The following GPC6 variants were observed in gnomAD, a reference collection of about 807,000 sequenced individuals.
GPC6 encodes glypican 6, also known as glypican-6.
GPC6 carries 14 observed loss-of-function variants against 55.2 expected under a neutral mutation model. That is an observed-to-expected ratio of 0.25 (90% CI 0.17 to 0.40). The LOEUF is 0.40. GPC6 is among the 10% of genes least tolerant of loss of function. The probability of loss-of-function intolerance (pLI) is 1.00; values close to 1 mark genes in which losing one functional copy is unlikely to be tolerated. For synonymous variants in GPC6, 278 were observed against 259.6 expected, an observed-to-expected ratio of 1.07 and a Z score of -0.68; for missense variants, 641 against 708.5, an observed-to-expected ratio of 0.90 and a Z score of 1.08.
At chr13:93,674,429 T>C (rs897981663) in intron 2 of GPC6, among the ~76,000 whole-genome samples, 5 of 152,204 alleles carry the variant, frequency 3.3e-5, no homozygotes, top group African/African-American at 1.2e-4. Flanking sequence ...CATCACTTTT[T>C]TTCTGATGAA....
At chr13:93,529,300 A>G (rs1881771209) in intron 1 of GPC6, among the ~76,000 whole-genome samples, 1 of 152,108 alleles carries the variant, frequency 6.6e-6, no homozygotes, top group Admixed American at 6.5e-5. Flanking sequence ...TTGAACCTCA[A>G]AGAGATTGGT....
intron 4 of GPC6, among the ~76,000 whole-genome samples, chr13:94,198,749 T>A (rs1340941964): frequency 1.3e-5 from 2 of 152,150 alleles, no homozygotes; most frequent in Non-Finnish European, 2.9e-5. Context: ...CTAACACACA[T>A]CTCATAAGAG....
intron 1 of GPC6, among the ~76,000 whole-genome samples, chr13:93,522,410 A>G (rs1209400066): frequency 1.3e-5 from 2 of 151,964 alleles, no homozygotes; most frequent in Non-Finnish European, 2.9e-5. Flanking sequence ...TGAATTCACC[A>G]TTGAACTAGT....
chr13:93,890,254 A>G (rs1875588145), intron 3 of GPC6, among the ~76,000 whole-genome samples: 1 of 152,050 alleles, frequency 6.6e-6, no homozygotes, highest in Admixed American at 6.6e-5. Context: ...TGCTTTACAC[A>G]TCTTCTTTGT....
At chr13:94,208,169 A>ATT (rs1214404934) in intron 4 of GPC6, among the ~76,000 whole-genome samples, 2 of 152,192 alleles carry the variant, frequency 1.3e-5, no homozygotes, top group East Asian at 3.9e-4. Flanking sequence ...TGGTGTGAAA[A>ATT]AGACATCATT....
At chr13:93,490,660 C>G (rs1331957622) in intron 1 of GPC6, among the ~76,000 whole-genome samples, 2 of 79,394 alleles carry the variant, frequency 2.5e-5, no homozygotes, top group Non-Finnish European at 4.6e-5. Flanking sequence ...CCAGTGCTAT[C>G]CCTCCCCCCT....
the GPC6 span, among the ~76,000 whole-genome samples, chr13:93,221,263 T>C: frequency 6.6e-6 from 1 of 152,210 alleles, no homozygotes; most frequent in Admixed American, 6.5e-5. Context: ...CTTAAGATTA[T>C]ATGGAATATT....
intron 3 of GPC6, among the ~76,000 whole-genome samples, chr13:93,953,312 T>A (rs967092465): frequency 1.1e-4 from 16 of 152,152 alleles, no homozygotes; most frequent in African/African-American, 3.6e-4. Flanking sequence ...TTTTGACTCT[T>A]CATATTGTCA....
At chr13:94,168,783 A>C (rs1238290916) in intron 4 of GPC6, among the ~76,000 whole-genome samples, 5 of 150,662 alleles carry the variant, frequency 3.3e-5, no homozygotes, top group Admixed American at 2.0e-4. Flanking sequence ...GATGGGATTC[A>C]TGATTTTACA....
chr13:93,647,575 G>A (rs957548051), intron 2 of GPC6, among the ~76,000 whole-genome samples: 32 of 152,126 alleles, frequency 2.1e-4, no homozygotes, highest in South Asian at 2.1e-4. Flanking sequence ...GACTTAGGAC[G>A]TGGATGAGGC....
intron 1 of GPC6, among the ~76,000 whole-genome samples, chr13:93,234,071 T>C (rs986096714): frequency 6.6e-6 from 1 of 152,164 alleles, no homozygotes; most frequent in Non-Finnish European, 1.5e-5. Flanking sequence ...CTGCTAGCCA[T>C]ATGTAAGACA....
At chr13:93,257,617 G>A (rs1000684502) in intron 1 of GPC6, among the ~76,000 whole-genome samples, 4 of 152,000 alleles carry the variant, frequency 2.6e-5, no homozygotes, top group African/African-American at 4.8e-5. Context: ...GTAGTATCTC[G>A]CATAATCCTT....
At chr13:94,046,678 T>A (rs751789985) in intron 4 of GPC6, among the ~76,000 whole-genome samples, 22 of 152,172 alleles carry the variant, frequency 1.4e-4, no homozygotes, top group Non-Finnish European at 2.5e-4. Flanking sequence ...CATCTCATTT[T>A]CCACTTTTCT....
At chr13:93,596,051 C>A (rs911892390) in intron 2 of GPC6, among the ~76,000 whole-genome samples, 2 of 152,116 alleles carry the variant, frequency 1.3e-5, no homozygotes, top group African/African-American at 2.4e-5. Flanking sequence ...ATTGAGGCTG[C>A]CAAAAACCAT....
intron 2 of GPC6, among the ~76,000 whole-genome samples, chr13:93,766,999 T>C (rs188749973): frequency 1.4e-4 from 22 of 151,816 alleles, no homozygotes; most frequent in Middle Eastern, 3.4e-3. Context: ...TCCCCCGCGG[T>C]GGTGGTGACT....
At chr13:93,631,647 T>C (rs1216719256) in intron 2 of GPC6, among the ~76,000 whole-genome samples, 1 of 152,222 alleles carries the variant, frequency 6.6e-6, no homozygotes, top group Non-Finnish European at 1.5e-5. Flanking sequence ...TATTTCATTC[T>C]ATATTTTCCA....
intron 1 of GPC6, among the ~76,000 whole-genome samples, chr13:93,344,483 C>T (rs1880366407): frequency 6.6e-6 from 1 of 152,188 alleles, no homozygotes; most frequent in South Asian, 2.1e-4. Context: ...CCCTATTTTC[C>T]AGGTCTCTGG....
At chr13:94,303,588 A>AT (rs1164668466) in intron 5 of GPC6, among the ~76,000 whole-genome samples, 5 of 152,092 alleles carry the variant, frequency 3.3e-5, no homozygotes, top group African/African-American at 1.2e-4. Context: ...TCTCCACCTG[A>AT]TTATGTGGCC....
intron 1 of GPC6, among the ~76,000 whole-genome samples, chr13:93,325,900 C>T (rs1401490961): frequency 2.0e-5 from 3 of 152,036 alleles, no homozygotes; most frequent in Non-Finnish European, 2.9e-5. Flanking sequence ...GTATTCAGGG[C>T]CCTGCCTGCA....
Sources: allele counts gnomAD v4.1 joint callset (sites outside exome capture counted in the v4.1 genomes callset), GRCh38; gene constraint gnomAD v4.1.1; transcripts MANE v1.5; gene names NCBI Gene and HGNC (gene_info 2026-07-23, HGNC 2026-07-21).